The following MALRD1 variants were observed in gnomAD, a reference collection of about 807,000 sequenced individuals.
The protein encoded by MALRD1 is MAM and LDL-receptor class A domain-containing protein 1.
In MALRD1, 247 loss-of-function variants were observed where a neutral mutation model predicts 242.1. That is an observed-to-expected ratio of 1.02 (90% CI 0.92 to 1.13). MALRD1 has a LOEUF of 1.13. Ranked by LOEUF, MALRD1 falls within the 50% of genes most tolerant of loss-of-function variation. The pLI is 0.00. For missense variants in MALRD1, 2,989 were observed against 2,533.1 expected (o/e 1.18, Z -3.86); for synonymous variants, 995 against 866.6 (o/e 1.15, Z -2.60).
chr10:19,580,778 A>C (rs1837079492), intron 33 of MALRD1, among the ~76,000 whole-genome samples: 1 of 152,124 alleles, frequency 6.6e-6, no homozygotes, highest in African/African-American at 2.4e-5. Flanking sequence ...TATTGGACAT[A>C]AGTTCTGGAA....
chr10:19,666,126 G>T (rs929851215), intron 36 of MALRD1, among the ~76,000 whole-genome samples: 1 of 152,082 alleles, frequency 6.6e-6, no homozygotes, highest in Admixed American at 6.6e-5. Flanking sequence ...TGGCTACCCT[G>T]TTTGCTACTC....
Position 19,595,369 on chromosome 10 carries a change from C to G in MALRD1, c.5856C>G (p.Phe1952Leu), listed in dbSNP as rs2131558743. The stretch of plus-strand genomic sequence containing the variant: ...CTCCACTCTGTAGTAACATGGAGTT[C>G]CCGTGCTCTACAGACGAGTGTATAC... ...PTPPLCSNMEFPCSTDECIPS... is the reference protein window; with the variant it reads ...PTPPLCSNMELPCSTDECIPS... The change falls in exon 34 of 40, where the codon TTC becomes TTG. Residue 1952 changes from phenylalanine to leucine, a missense_variant. By Grantham distance (22) the Phe-to-Leu change is conservative. Coordinates refer to ENST00000454679, the MANE Select transcript of MALRD1 (RefSeq NM_001142308.3). 1 of 1,550,506 alleles carries G rather than the reference C, an allele frequency of 6.4e-7. No individual in the cohort carries two copies. Among genetic ancestry groups the G allele is most frequent in the East Asian group, 2.4e-5 (1 of 40,898 alleles).
At chr10:19,698,905 A>T (rs1046963165) in intron 38 of MALRD1, among the ~76,000 whole-genome samples, 1 of 152,150 alleles carries the variant, frequency 6.6e-6, no homozygotes, top group Non-Finnish European at 1.5e-5. Flanking sequence ...GACATGGGTG[A>T]AGCTGGGAAC....
At chr10:19,648,036 AT>A (rs1840723925) in intron 36 of MALRD1, among the ~76,000 whole-genome samples, 1 of 152,140 alleles carries the variant, frequency 6.6e-6, no homozygotes, top group South Asian at 2.1e-4. Context: ...AGCTACTGGA[AT>A]TTGCAAAGCA....
chr10:19,312,126 C>G (rs1842450681), intron 21 of MALRD1, among the ~76,000 whole-genome samples: 1 of 151,230 alleles, frequency 6.6e-6, no homozygotes, highest in Admixed American at 6.6e-5. Context: ...ATATACCACG[C>G]ATTAAAATAC....
intron 21 of MALRD1, among the ~76,000 whole-genome samples, chr10:19,302,897 TAAC>T (rs1174038993): frequency 2.0e-5 from 3 of 151,698 alleles, no homozygotes; most frequent in Non-Finnish European, 2.9e-5. Flanking sequence ...ATTTTTTAAC[TAAC>T]AACTAATAAA....
At chr10:19,345,217 A>G (rs1844060179) in intron 24 of MALRD1, among the ~76,000 whole-genome samples, 1 of 103,564 alleles carries the variant, frequency 9.7e-6, no homozygotes, top group African/African-American at 4.2e-5. Flanking sequence ...AAAGAAAAAT[A>G]TGATTTACAT....
intron 24 of MALRD1, among the ~76,000 whole-genome samples, chr10:19,346,870 G>A (rs946108119): frequency 6.6e-6 from 1 of 151,882 alleles, no homozygotes; most frequent in Non-Finnish European, 1.5e-5. Context: ...GGCTGGTCTT[G>A]AACTCCTGAC....
At chr10:19,729,805 C>T (rs1329672508) in intron 38 of MALRD1, among the ~76,000 whole-genome samples, 7 of 122,456 alleles carry the variant, frequency 5.7e-5, no homozygotes, top group Admixed American at 5.4e-4. Flanking sequence ...GGCGCGATCT[C>T]GGCTCACTGC....
chr10:19,474,887 GA>G (rs1245890926), intron 29 of MALRD1, among the ~76,000 whole-genome samples: 2 of 151,216 alleles, frequency 1.3e-5, no homozygotes, highest in Non-Finnish European at 3.0e-5. Flanking sequence ...AATCAAGGAG[GA>G]AAAAAAACCT....
intron 26 of MALRD1, among the ~76,000 whole-genome samples, chr10:19,380,715 T>C (rs905328159): frequency 6.6e-6 from 1 of 152,152 alleles, no homozygotes; most frequent in African/African-American, 2.4e-5. Context: ...ATTTCCTCTC[T>C]ATCCATTTAC....
intron 26 of MALRD1, among the ~76,000 whole-genome samples, chr10:19,375,315 G>T (rs565310801): frequency 6.6e-6 from 1 of 152,000 alleles, no homozygotes; most frequent in Non-Finnish European, 1.5e-5. Context: ...CAACAATAGA[G>T]GAATGCAAAG....
rs188982920 is a variant in MALRD1 at position 19,373,321 on chromosome 10, T to C, written c.4442-14207T>C. Among the ~76,000 whole-genome samples, 263 of 150,876 alleles carry C rather than the reference T, an allele frequency of 1.7e-3. 1 individual carries two copies. Among genetic ancestry groups the C allele is most frequent in the African/African-American group, 6.1e-3 (250 of 41,066 alleles). ...TTCAAGACCAGCCTGGCCAACATGG[T>C]GAAACCCCGTCTCTACTAAAAATAC... On this transcript the variant is annotated intron_variant, in intron 26 of 39. Transcript: ENST00000454679.
rs1226004699 is a variant in MALRD1 at position 19,677,110 on chromosome 10, G to A, written c.6138-15172G>A. On this transcript the variant is annotated intron_variant, in intron 36 of 39. Transcript: ENST00000454679. ...CTCCATATCTTTGCTATTGTGAATA[G>A]TGCTGCAATGAACATATGTGAGCCC... Among the ~76,000 whole-genome samples the A allele has an allele frequency of 2.6e-5, 4 of 152,186 alleles. No individual in the cohort carries two copies. In the East Asian group the frequency reaches 5.8e-4, roughly 22 times the overall value.
intron 29 of MALRD1, among the ~76,000 whole-genome samples, chr10:19,478,803 C>T (rs916056750): frequency 7.2e-5 from 11 of 152,136 alleles, no homozygotes; most frequent in African/African-American, 2.7e-4. Context: ...TCACCAAACA[C>T]ATCACATTTC....
chr10:19,290,331 T>C (rs1841351607), intron 21 of MALRD1: 1 of 152,190 alleles, frequency 6.6e-6, no homozygotes, highest in African/African-American at 2.4e-5. Context: ...CATCTCTTCT[T>C]GTAGATGGAG....
At chr10:19,570,457 AAG>A (rs983716919) in intron 33 of MALRD1, among the ~76,000 whole-genome samples, 4 of 152,056 alleles carry the variant, frequency 2.6e-5, no homozygotes, top group African/African-American at 9.7e-5. Context: ...GGGAATGTCA[AAG>A]AGAAAACAGA....
At chr10:19,622,324 A>T (rs1444435825) in intron 36 of MALRD1, among the ~76,000 whole-genome samples, 1 of 151,780 alleles carries the variant, frequency 6.6e-6, no homozygotes, top group East Asian at 1.9e-4. Flanking sequence ...AATAGTCTAC[A>T]TACATAGACA....
chr10:19,270,329 C>G (rs1352754457), intron 19 of MALRD1, among the ~76,000 whole-genome samples: 1 of 92,378 alleles, frequency 1.1e-5, no homozygotes, highest in Non-Finnish European at 2.1e-5. Context: ...CTCTCTCTCT[C>G]TCTCTCTCAC....
Sources: gnomAD v4.1 joint callset for allele counts (sites outside exome capture counted in the v4.1 genomes callset) on GRCh38, gnomAD v4.1.1 for gene constraint, MANE v1.5 for transcripts, NCBI Gene and HGNC (gene_info 2026-07-23, HGNC 2026-07-21) for gene names.